PTPRD: variants seen among roughly 807,000 people sequenced by gnomAD.
PTPRD encodes protein tyrosine phosphatase receptor type D, also known as receptor-type tyrosine-protein phosphatase delta.
PTPRD carries 34 observed loss-of-function variants against 214.5 expected under a neutral mutation model. That is an observed-to-expected ratio of 0.16 (90% CI 0.12 to 0.21). The LOEUF (loss-of-function observed/expected upper bound fraction) is 0.21. Among genes scored for constraint, PTPRD ranks in the 10% least tolerant of loss-of-function variants. The pLI is 1.00. For missense variants in PTPRD, 2,545 were observed against 2,398.7 expected, an observed-to-expected ratio of 1.06 and a Z score of -1.27; for synonymous variants, 1,128 against 845.7, an observed-to-expected ratio of 1.33 and a Z score of -5.79.
In PTPRD at chr9:8,506,432, C is replaced by T. The variant is rs147536691; in HGVS notation, c.1677+869G>A. Reference sequence around the variant, plus strand: ...GAAAATGTTAGATGTATCTTAATATCGATTTCTATCATGTATTCAAACTGC... The same window carrying T: ...GAAAATGTTAGATGTATCTTAATATTGATTTCTATCATGTATTCAAACTGC... On this transcript the variant is annotated intron_variant, in intron 22 of 45. Transcript: ENST00000381196. Among the ~76,000 whole-genome samples, 453 of 152,210 alleles carry T rather than the reference C, an allele frequency of 3.0e-3. No homozygotes were observed. The Middle Eastern group carries it at 0.031, about 10-fold the overall frequency.
chr9:10,117,144 A>G (rs1448096547), intron 3 of PTPRD, among the ~76,000 whole-genome samples: 1 of 152,038 alleles, frequency 6.6e-6, no homozygotes, highest in Non-Finnish European at 1.5e-5. Flanking sequence ...ATCATAACAC[A>G]TTTTAGGTGA....
chr9:9,795,429 A>C (rs2098995705), intron 5 of PTPRD, among the ~76,000 whole-genome samples: 2 of 152,168 alleles, frequency 1.3e-5, no homozygotes, highest in African/African-American at 4.8e-5. Flanking sequence ...CAGCCAAGGA[A>C]GCATTTGGAT....
At chr9:10,333,387 T>C (rs2096787394) in intron 3 of PTPRD, among the ~76,000 whole-genome samples, 1 of 151,798 alleles carries the variant, frequency 6.6e-6, no homozygotes, top group Admixed American at 6.6e-5. Context: ...GTACCGTTCA[T>C]ATTATTTTCT....
intron 9 of PTPRD, among the ~76,000 whole-genome samples, chr9:9,275,033 C>A (rs1398757546): frequency 9.1e-6 from 1 of 109,888 alleles, no homozygotes; most frequent in African/African-American, 3.5e-5. Flanking sequence ...CCATCAAAAT[C>A]CCTTTGTTTC....
chr9:9,881,415 T>C (rs914129237), intron 5 of PTPRD, among the ~76,000 whole-genome samples: 1 of 152,142 alleles, frequency 6.6e-6, no homozygotes, highest in Non-Finnish European at 1.5e-5. Flanking sequence ...TGTAACAAGA[T>C]CAAGAGCTTC....
chr9:10,367,219 A>G (rs1293438448), intron 2 of PTPRD, among the ~76,000 whole-genome samples: 2 of 152,154 alleles, frequency 1.3e-5, no homozygotes, highest in Non-Finnish European at 2.9e-5. Flanking sequence ...TTGCAAGTTA[A>G]GAGAGAAATT....
chr9:10,174,341 A>T (rs2099232431), intron 3 of PTPRD, among the ~76,000 whole-genome samples: 1 of 152,108 alleles, frequency 6.6e-6, no homozygotes. Flanking sequence ...CTGGAAATTC[A>T]TCCATTTCTC....
chr9:8,905,116 A>C (rs1267821266), intron 11 of PTPRD, among the ~76,000 whole-genome samples: 1 of 152,230 alleles, frequency 6.6e-6, no homozygotes, highest in Non-Finnish European at 1.5e-5. Flanking sequence ...CTCACCAGTC[A>C]TCTCTGATTG....
At chr9:9,928,237 G>C (rs528939292) in intron 5 of PTPRD, among the ~76,000 whole-genome samples, 2 of 152,106 alleles carry the variant, frequency 1.3e-5, no homozygotes, top group Non-Finnish European at 2.9e-5. Flanking sequence ...AATATTACAT[G>C]GTTAGAATTA....
At chr9:9,723,555 T>C (rs2098010759) in intron 7 of PTPRD, among the ~76,000 whole-genome samples, 1 of 152,106 alleles carries the variant, frequency 6.6e-6, no homozygotes, top group South Asian at 2.1e-4. Context: ...TGTTAGTTTC[T>C]ACAAAGAAGT....
At chr9:8,766,810 G>A (rs576532467) in intron 11 of PTPRD, among the ~76,000 whole-genome samples, 1 of 152,262 alleles carries the variant, frequency 6.6e-6, no homozygotes, top group East Asian at 1.9e-4. Context: ...TTTAATATTA[G>A]AAGTGTTTAT....
At chr9:10,609,491 G>A (rs2080371305) in intron 2 of PTPRD, among the ~76,000 whole-genome samples, 2 of 152,010 alleles carry the variant, frequency 1.3e-5, no homozygotes, top group Admixed American at 1.3e-4. Flanking sequence ...ATTGTCATGT[G>A]CACTATTAGT....
intron 2 of PTPRD, among the ~76,000 whole-genome samples, chr9:10,454,578 A>G (rs1298518271): frequency 6.6e-6 from 1 of 151,620 alleles, no homozygotes; most frequent in Non-Finnish European, 1.5e-5. Context: ...TTACCTAGCA[A>G]TCATTCTTCC....
In PTPRD at chr9:8,539,425, T is replaced by C. The variant is rs541742797; in HGVS notation, c.353-10646A>G. Among the ~76,000 whole-genome samples the C allele has an allele frequency of 2.0e-4, 30 of 152,090 alleles. No homozygotes were observed. The East Asian group carries it at 4.3e-3, about 22-fold the overall frequency. ...CCATTTACATGATTTTGCTGTATTC[T>C]AAGCACGGTAGTAGTCCTAAAAATA... On this transcript the variant is annotated intron_variant, in intron 14 of 45. Coordinates refer to ENST00000381196, the MANE Select transcript of PTPRD (RefSeq NM_002839.4).
intron 8 of PTPRD, among the ~76,000 whole-genome samples, chr9:9,447,963 A>C (rs1449592519): frequency 6.6e-6 from 1 of 152,030 alleles, no homozygotes; most frequent in Non-Finnish European, 1.5e-5. Flanking sequence ...AGTCTTACAG[A>C]CTGCACTAGC....
At chr9:8,619,508 A>G (rs1410738127) in intron 14 of PTPRD, among the ~76,000 whole-genome samples, 3 of 152,150 alleles carry the variant, frequency 2.0e-5, no homozygotes, top group East Asian at 1.9e-4. Flanking sequence ...ATAAAGAGGT[A>G]TAACAACCAA....
At chr9:10,322,168 T>G (rs549917814) in intron 3 of PTPRD, among the ~76,000 whole-genome samples, 5 of 152,052 alleles carry the variant, frequency 3.3e-5, no homozygotes, top group Non-Finnish European at 7.4e-5. Flanking sequence ...AAGACCAGCA[T>G]GTACTCTTCA....
chr9:9,253,343 T>A (rs941581599), intron 9 of PTPRD, among the ~76,000 whole-genome samples: 1 of 152,098 alleles, frequency 6.6e-6, no homozygotes, highest in African/African-American at 2.4e-5. Context: ...ATTTTTAAAC[T>A]ACTAAGTTGC....
In PTPRD at chr9:9,902,185, G is replaced by C. The variant is rs893286799; in HGVS notation, c.-368+36322C>G. Among the ~76,000 whole-genome samples the C allele has an allele frequency of 7.2e-5, 11 of 151,966 alleles. No homozygotes were observed. In the South Asian group the frequency reaches 8.3e-4, roughly 11 times the overall value. ...GATTCTATTTTATAATTCTAAGCTT[G>C]TGTGTACGTGCATCAGCGCCCATGC... On this transcript the variant is annotated intron_variant, in intron 5 of 45. Coordinates refer to ENST00000381196, the MANE Select transcript of PTPRD (RefSeq NM_002839.4).
Sources: allele counts gnomAD v4.1 joint callset (sites outside exome capture counted in the v4.1 genomes callset), GRCh38; gene constraint gnomAD v4.1.1; transcripts MANE v1.5; gene names NCBI Gene and HGNC (gene_info 2026-07-23, HGNC 2026-07-21).